The following TADA2A variants were observed in gnomAD, a reference collection of about 807,000 sequenced individuals.
TADA2A encodes the protein transcriptional adapter 2-alpha.
In TADA2A, 38 loss-of-function variants were observed where a neutral mutation model predicts 67.4. The observed-to-expected ratio is 0.56, with a 90% CI of 0.44 to 0.74. The LOEUF (loss-of-function observed/expected upper bound fraction) is 0.74, where lower values mean the gene tolerates loss of function less well. TADA2A is among the 30% of genes least tolerant of loss of function. The pLI, the probability that TADA2A is intolerant of heterozygous loss-of-function variation, is 0.00. For missense variants in TADA2A, 454 were observed against 547.0 expected (o/e 0.83, Z 1.70); for synonymous variants, 192 against 181.6 (o/e 1.06, Z -0.46).
intron 3 of TADA2A, among the ~76,000 whole-genome samples, chr17:37,425,042 G>C (rs1299384403): frequency 6.6e-6 from 1 of 151,784 alleles, no homozygotes; most frequent in African/African-American, 2.4e-5. Context: ...ACCATTCCCA[G>C]CTAATTTTTT....
intron 13 of TADA2A, 88 bp downstream of exon 13, chr17:37,470,620 TAATA>T: frequency 3.7e-6 from 5 of 1,335,744 alleles, no homozygotes; most frequent in Non-Finnish European, 4.0e-6. Flanking sequence ...GATGGCAGAG[TAATA>T]ATAATTGAGT....
intron 3 of TADA2A, among the ~76,000 whole-genome samples, chr17:37,423,949 C>T (rs974266797): frequency 1.3e-5 from 2 of 151,900 alleles, no homozygotes; most frequent in Non-Finnish European, 2.9e-5. Context: ...GGGGTTTCAC[C>T]ATGTTGGTCA....
chr17:37,470,740 A>T (rs946709989), intron 13 of TADA2A, among the ~76,000 whole-genome samples: 8 of 151,954 alleles, frequency 5.3e-5, no homozygotes, highest in Non-Finnish European at 7.4e-5. Flanking sequence ...TACTACTTTG[A>T]TCCTATTTTT....
intron 6 of TADA2A, among the ~76,000 whole-genome samples, chr17:37,442,169 T>G (rs1280918666): frequency 2.0e-5 from 3 of 151,430 alleles, no homozygotes; most frequent in African/African-American, 7.3e-5. Flanking sequence ...TCAGCTAACT[T>G]CCAATTCCAG....
intron 1 of TADA2A, 126 bp downstream of exon 1, chr17:37,407,075 C>G (rs1166295521): frequency 7.3e-6 from 1 of 137,606 alleles, no homozygotes; most frequent in Non-Finnish European, 1.6e-5. Context: ...CTGCGGGCCC[C>G]GGCGGCGGGC....
chr17:37,442,318 A>G (rs2052945971), intron 6 of TADA2A, among the ~76,000 whole-genome samples: 1 of 151,344 alleles, frequency 6.6e-6, no homozygotes, highest in Admixed American at 6.6e-5. Flanking sequence ...ATATTAAAGG[A>G]AAAAAGTCAT....
At chr17:37,441,912 C>T (rs188863329) in intron 6 of TADA2A, among the ~76,000 whole-genome samples, 3 of 152,056 alleles carry the variant, frequency 2.0e-5, no homozygotes, top group Non-Finnish European at 2.9e-5. Flanking sequence ...ATGATCTGCC[C>T]GCCTCGGCCT....
At chr17:37,444,616 C>A in intron 7 of TADA2A, 80 bp from the exon 8 acceptor site, 2 of 1,211,832 alleles carry the variant, frequency 1.7e-6, no homozygotes, top group Non-Finnish European at 2.4e-6. Flanking sequence ...TTTCTGTTTA[C>A]TTCTAAAGCA....
chr17:37,451,819 A>G (rs2053241813), intron 8 of TADA2A, among the ~76,000 whole-genome samples: 2 of 151,786 alleles, frequency 1.3e-5, no homozygotes, highest in African/African-American at 4.8e-5. Context: ...CCCCGTCTCT[A>G]CTAAAAATAC....
chr17:37,431,896 G>A (rs1375493361), intron 4 of TADA2A, among the ~76,000 whole-genome samples: 2 of 152,114 alleles, frequency 1.3e-5, no homozygotes, highest in African/African-American at 4.8e-5. Flanking sequence ...TTATTTTGAA[G>A]CAAGTATCCT....
At chr17:37,468,927 G>C (rs1297362086) in intron 12 of TADA2A, among the ~76,000 whole-genome samples, 1 of 150,990 alleles carries the variant, frequency 6.6e-6, no homozygotes, top group African/African-American at 2.4e-5. Context: ...TTGAGACGGA[G>C]TCTGGCTCTG....
chr17:37,437,561 GT>G (rs1364605802), intron 4 of TADA2A, among the ~76,000 whole-genome samples, 176 bp from the exon 5 acceptor site: 4 of 151,270 alleles, frequency 2.6e-5, no homozygotes, highest in Non-Finnish European at 5.9e-5. Context: ...TCATTTTTGT[GT>G]TTTTAGTAGA....
At chr17:37,417,676 A>AG (rs2052094521) in intron 2 of TADA2A, among the ~76,000 whole-genome samples, 1 of 151,874 alleles carries the variant, frequency 6.6e-6, no homozygotes, top group Admixed American at 6.6e-5. Flanking sequence ...CTAGGACTAC[A>AG]GGTGTGCGTC....
intron 15 of TADA2A, 74 bp downstream of exon 15, chr17:37,474,703 T>C: frequency 6.8e-7 from 1 of 1,480,744 alleles, no homozygotes; most frequent in South Asian, 1.2e-5. Context: ...AAAAATCCAT[T>C]ACAGGGTCAA....
intron 8 of TADA2A, chr17:37,454,293 T>A (rs1233040655): frequency 7.2e-6 from 1 of 138,738 alleles, no homozygotes; most frequent in African/African-American, 2.7e-5. Context: ...ATTACTTTCT[T>A]TCTTTCTTTT....
chr17:37,427,061 T>C, intron 4 of TADA2A, 52 bp downstream of exon 4: 2 of 1,459,362 alleles, frequency 1.4e-6, no homozygotes, highest in Non-Finnish European at 1.8e-6. Context: ...AGAATTAGAC[T>C]GGGAAGTAGT....
At chr17:37,426,663 CAGAAAA>C (rs1479638183) in intron 3 of TADA2A, 19 of 98,652 alleles carry the variant, frequency 1.9e-4, no homozygotes, top group African/African-American at 7.6e-4. Context: ...GACTCCGTCT[CAGAAAA>C]AAAAAAAAAA....
At chr17:37,476,562 A>G (rs559108757) in intron 15 of TADA2A, among the ~76,000 whole-genome samples, 16 of 152,174 alleles carry the variant, frequency 1.1e-4, no homozygotes, top group Non-Finnish European at 1.8e-4. Flanking sequence ...GCCAGCTGGC[A>G]TGTGCTAAAG....
In TADA2A at chr17:37,478,719, C is replaced by G. The variant is rs2053935791; in HGVS notation, c.*1737C>G. On this transcript the variant is annotated 3_prime_UTR_variant, in exon 16 of 16. Transcript: ENST00000615182. ...ACATCGAATAGTTGACTGTTTAATT[C>G]CTTCTACATTCAAATATCTAATTAA... is the stretch of plus-strand genomic sequence containing the variant. 1 of 152,146 alleles carries G rather than the reference C, an allele frequency of 6.6e-6. No homozygotes were observed. Among genetic ancestry groups the G allele is most frequent in the Non-Finnish European group, 1.5e-5 (1 of 68,034 alleles). 9.4% of individuals were successfully genotyped at this position (152,146 alleles called of 1,614,324 possible). A position where few individuals can be genotyped will look rare whatever the true frequency, so the allele number is the denominator to read the frequency against.
Sources: gnomAD v4.1 joint callset for allele counts (sites outside exome capture counted in the v4.1 genomes callset) on GRCh38, gnomAD v4.1.1 for gene constraint, MANE v1.5 for transcripts, NCBI Gene and HGNC (gene_info 2026-07-23, HGNC 2026-07-21) for gene names.